The following NDFIP1 variants were observed in gnomAD, a reference collection of about 807,000 sequenced individuals.
NDFIP1 encodes the protein NEDD4 family-interacting protein 1.
NDFIP1 carries 7 observed loss-of-function variants against 28.8 expected under a neutral mutation model. The observed-to-expected ratio is 0.24, with a 90% confidence interval of 0.14 to 0.46. NDFIP1 has a LOEUF of 0.46. NDFIP1 is among the 20% of genes least tolerant of loss of function. The pLI is 0.99. For synonymous variants in NDFIP1, 92 were observed against 101.0 expected (o/e 0.91, Z 0.53); for missense variants, 194 against 269.1 (o/e 0.72, Z 1.95).
intron 1 of NDFIP1, among the ~76,000 whole-genome samples, chr5:142,128,471 G>T (rs1432191104): frequency 6.6e-6 from 1 of 152,130 alleles, no homozygotes; most frequent in Non-Finnish European, 1.5e-5. Flanking sequence ...CTGACTTGTT[G>T]CCCCTGAAGT....
intron 1 of NDFIP1, among the ~76,000 whole-genome samples, chr5:142,123,563 T>C (rs115899260): frequency 6.6e-6 from 1 of 152,240 alleles, no homozygotes; most frequent in Non-Finnish European, 1.5e-5. Context: ...TGTGCTTCCA[T>C]GTTTCTATTT....
intron 6 of NDFIP1, among the ~76,000 whole-genome samples, chr5:142,142,610 A>C (rs1042344575): frequency 6.6e-6 from 1 of 152,072 alleles, no homozygotes; most frequent in African/African-American, 2.4e-5. Context: ...CATTCTTGCT[A>C]TGTACCATTT....
intron 1 of NDFIP1, among the ~76,000 whole-genome samples, chr5:142,131,293 G>T (rs911286362): frequency 4.7e-5 from 7 of 147,532 alleles, no homozygotes; most frequent in African/African-American, 1.8e-4. Context: ...TATTTTTTTT[G>T]ACACAGAGTT....
intron 1 of NDFIP1, among the ~76,000 whole-genome samples, chr5:142,120,153 A>G (rs1757109257): frequency 6.6e-6 from 1 of 152,034 alleles, no homozygotes; most frequent in Non-Finnish European, 1.5e-5. Flanking sequence ...ACGGGGTTTC[A>G]CTATGTTGGT....
chr5:142,127,519 A>G (rs375819600), intron 1 of NDFIP1, among the ~76,000 whole-genome samples: 1 of 152,174 alleles, frequency 6.6e-6, no homozygotes, highest in African/African-American at 2.4e-5. Flanking sequence ...AGAAAGTGAA[A>G]GGTCATCTGA....
intron 3 of NDFIP1, among the ~76,000 whole-genome samples, chr5:142,133,420 G>C (rs1426830984): frequency 6.6e-6 from 1 of 152,166 alleles, no homozygotes; most frequent in African/African-American, 2.4e-5. Context: ...TAGTAACCTT[G>C]AAAGGTAGAG....
intron 1 of NDFIP1, among the ~76,000 whole-genome samples, chr5:142,119,978 C>A (rs1031648909): frequency 6.6e-6 from 1 of 152,122 alleles, no homozygotes; most frequent in Non-Finnish European, 1.5e-5. Flanking sequence ...ATTTTTGAGA[C>A]GGAGTCTCGC....
intron 1 of NDFIP1, among the ~76,000 whole-genome samples, chr5:142,127,963 T>A (rs908902033): frequency 1.3e-5 from 2 of 152,042 alleles, no homozygotes; most frequent in African/African-American, 4.8e-5. Flanking sequence ...CTCAAAAAAA[T>A]AAATCATATT....
Position 142,112,136 on chromosome 5 carries a change from T to C in NDFIP1, c.63+3099T>C, listed in dbSNP as rs541159042. On this transcript the variant is annotated intron_variant, in intron 1 of 7. Coordinates refer to ENST00000253814, the MANE Select transcript of NDFIP1 (RefSeq NM_030571.4). Reference sequence around the variant, plus strand: ...GCTCATGCCTGTAATCCCAGCACTTTGGGAGGCCAAGGCAGGCAGATCACA... The same window carrying C: ...GCTCATGCCTGTAATCCCAGCACTTCGGGAGGCCAAGGCAGGCAGATCACA... Among the ~76,000 whole-genome samples, 15 of 152,158 alleles carry C rather than the reference T, an allele frequency of 9.9e-5. No individual in the cohort carries two copies. The South Asian group carries it at 3.1e-3, about 32-fold the overall frequency.
intron 7 of NDFIP1, among the ~76,000 whole-genome samples, chr5:142,150,050 G>A (rs1194227906): frequency 6.6e-6 from 1 of 151,936 alleles, no homozygotes; most frequent in African/African-American, 2.4e-5. Flanking sequence ...GTGTGGTGGC[G>A]GGCGCCTGTA....
At chr5:142,137,583 T>A (rs1757289476) in intron 4 of NDFIP1, 151 bp from the exon 5 acceptor site, 12 of 860,966 alleles carry the variant, frequency 1.4e-5, no homozygotes, top group African/African-American at 3.4e-5. Flanking sequence ...GACAGAAGAA[T>A]GGATGTTTTA....
chr5:142,123,859 C>T (rs1757144543), intron 1 of NDFIP1, among the ~76,000 whole-genome samples: 1 of 152,104 alleles, frequency 6.6e-6, no homozygotes. Flanking sequence ...GAGCTCTGAG[C>T]TAAGCCTGAA....
At chr5:142,151,363 T>A (rs1757444768) in intron 7 of NDFIP1, among the ~76,000 whole-genome samples, 1 of 152,230 alleles carries the variant, frequency 6.6e-6, no homozygotes, top group Non-Finnish European at 1.5e-5. Flanking sequence ...GGAAAATTAC[T>A]TGTGCACTTG....
intron 6 of NDFIP1, among the ~76,000 whole-genome samples, chr5:142,141,262 A>G (rs183991587): frequency 0.046 from 5,615 of 122,990 alleles, 142 homozygotes; most frequent in Admixed American, 0.08. Flanking sequence ...TGCAAGCTCC[A>G]CCTCCCGGGT....
Position 142,132,273 on chromosome 5 carries a change from A to G in NDFIP1, c.213A>G (p.Thr71=), listed in dbSNP as rs1757235434. The change falls in exon 3 of 8, where the codon ACA becomes ACG. Residue 71 remains threonine, a synonymous_variant. Coordinates refer to ENST00000253814, the MANE Select transcript of NDFIP1 (RefSeq NM_030571.4). ...AGCCCCCATCTTACAATGTAGCTAC[A>G]ACACTGCCCAGTTATGATGAAGCGG... ...FPKPPSYNVA[T]TLPSYDEAER... The G allele has an allele frequency of 6.2e-7, 1 of 1,614,190 alleles. No individual in the cohort carries two copies. The highest frequency in any genetic ancestry group is 1.3e-5 in the African/African-American group (1 of 75,062).
In NDFIP1 at chr5:142,137,808, G is replaced by A; in HGVS notation, c.445G>A (p.Ala149Thr). The stretch of plus-strand genomic sequence containing the variant: ...CACTTCAGCTGCAGGAAGGTATGGG[G>A]CCATTTCAGGATTTGGTCTCTCTCT... ...LTTSAAGRYG[A>T]ISGFGLSLIK... The change falls in exon 5 of 8, where the codon GCC becomes ACC. Residue 149 changes from alanine (A) to threonine (T), a missense_variant. Physicochemically the swap from Ala to Thr is moderately conservative, Grantham distance 58 (BLOSUM62 0). Transcript: ENST00000253814. 1 of 1,614,152 alleles carries A rather than the reference G, an allele frequency of 6.2e-7. No individual in the cohort carries two copies. The highest frequency in any genetic ancestry group is 8.5e-7 in the Non-Finnish European group (1 of 1,180,016).
intron 6 of NDFIP1, chr5:142,144,014 ATAATAATAATAATAG>A (rs1757363032): frequency 6.6e-6 from 1 of 151,316 alleles, no homozygotes; most frequent in Non-Finnish European, 1.5e-5. Context: ...AATAATAATA[ATAATAATAATAATAG>A]TAGACAAAGT....
rs757189666 is a variant in NDFIP1 at position 142,108,969 on chromosome 5, T to G, written c.-6T>G. On this transcript the variant is annotated 5_prime_UTR_variant, in exon 1 of 8. Transcript: ENST00000253814. ...CTCGCTCTGCTTCCCTGCTGCCGGC[T>G]GCGCCATGGCGTTGGCGTTGGCGGC... is the stretch of plus-strand genomic sequence containing the variant. 1 of 1,442,246 alleles carries G rather than the reference T, an allele frequency of 6.9e-7. No individual in the cohort carries two copies. Among genetic ancestry groups the G allele is most frequent in the South Asian group, 1.3e-5 (1 of 74,594 alleles). 89.3% of individuals were successfully genotyped at this position (1,442,246 alleles called of 1,614,324 possible). A position where few individuals can be genotyped will look rare whatever the true frequency, so the allele number is the denominator to read the frequency against.
chr5:142,142,268 A>G (rs180873497), intron 6 of NDFIP1, among the ~76,000 whole-genome samples: 18 of 152,204 alleles, frequency 1.2e-4, no homozygotes, highest in Non-Finnish European at 2.9e-5. Flanking sequence ...AGCATCATGT[A>G]CTCTATGATT....
Sources: allele counts gnomAD v4.1 joint callset (sites outside exome capture counted in the v4.1 genomes callset), GRCh38; gene constraint gnomAD v4.1.1; transcripts MANE v1.5; gene names NCBI Gene and HGNC (gene_info 2026-07-23, HGNC 2026-07-21).